The following RB1CC1 variants were observed in gnomAD, a reference collection of about 807,000 sequenced individuals.
RB1CC1 encodes RB1 inducible coiled-coil 1.
RB1CC1 carries 46 observed loss-of-function variants against 177.5 expected under a neutral mutation model. The ratio of observed to expected loss-of-function variants is 0.26; its 90% CI spans 0.20 to 0.33. The LOEUF is 0.33. Ranked by LOEUF, RB1CC1 falls within the 10% of genes least tolerant of loss-of-function variation. The probability of loss-of-function intolerance (pLI) is 1.00; values close to 1 mark genes in which losing one functional copy is unlikely to be tolerated. For missense variants in RB1CC1, 1,703 were observed against 1,816.3 expected, an observed-to-expected ratio of 0.94 and a Z score of 1.13; for synonymous variants, 666 against 613.6, an observed-to-expected ratio of 1.09 and a Z score of -1.26.
intron 1 of RB1CC1, among the ~76,000 whole-genome samples, chr8:52,688,678 T>C (rs992210130): frequency 1.2e-4 from 18 of 152,352 alleles, no homozygotes; most frequent in African/African-American, 4.3e-4. Context: ...TTATTAGTTC[T>C]GCTTTTTGTC....
At chr8:52,687,014 A>G (rs1190855978) in intron 1 of RB1CC1, 47 bp from the exon 2 acceptor site, 2 of 452,684 alleles carry the variant, frequency 4.4e-6, no homozygotes, top group East Asian at 7.0e-5. Context: ...ATTCAGTACG[A>G]AACAACATAT....
At chr8:52,702,052 C>G (rs1856122174) in intron 1 of RB1CC1, among the ~76,000 whole-genome samples, 1 of 152,124 alleles carries the variant, frequency 6.6e-6, no homozygotes, top group African/African-American at 2.4e-5. Context: ...AGGTGATCCA[C>G]CCACCTCGGC....
intron 7 of RB1CC1, among the ~76,000 whole-genome samples, chr8:52,668,853 T>C (rs996715465): frequency 6.6e-6 from 1 of 152,246 alleles, no homozygotes; most frequent in Non-Finnish European, 1.5e-5. Context: ...ACAGTTAGCA[T>C]GGCAGATAAC....
At chr8:52,648,494 A>G (rs1017853505) in intron 15 of RB1CC1, among the ~76,000 whole-genome samples, 15 of 152,152 alleles carry the variant, frequency 9.9e-5, no homozygotes, top group African/African-American at 3.4e-4. Context: ...CTAGCTTTCT[A>G]TGGGGAGCAA....
At chr8:52,686,259 C>T (rs985965763) in intron 2 of RB1CC1, 1 of 152,232 alleles carries the variant, frequency 6.6e-6, no homozygotes, top group African/African-American at 2.4e-5. Flanking sequence ...GGATAACATA[C>T]ACAACAAGCC....
At chr8:52,686,401 A>C (rs2016314) in intron 2 of RB1CC1, among the ~76,000 whole-genome samples, 103,853 of 151,962 alleles carry the variant, frequency 0.68, 35,790 homozygotes, top group East Asian at 0.83. Flanking sequence ...AAAAAATTAG[A>C]CACACTTGGT....
At chr8:52,684,588 G>T (rs181212472) in intron 3 of RB1CC1, among the ~76,000 whole-genome samples, 57 of 152,240 alleles carry the variant, frequency 3.7e-4, no homozygotes, top group African/African-American at 1.3e-3. Flanking sequence ...TCAAGCCAGA[G>T]AATTATTAGA....
At chr8:52,710,322 T>G (rs1292251129) in intron 1 of RB1CC1, among the ~76,000 whole-genome samples, 1 of 152,170 alleles carries the variant, frequency 6.6e-6, no homozygotes, top group African/African-American at 2.4e-5. Flanking sequence ...GACAAGCAAC[T>G]TCGCCAAAAG....
intron 1 of RB1CC1, among the ~76,000 whole-genome samples, chr8:52,707,354 A>G (rs1856654611): frequency 6.6e-6 from 1 of 151,342 alleles, no homozygotes; most frequent in African/African-American, 2.4e-5. Flanking sequence ...TCTATTCCCT[A>G]ATTTATTCAC....
chr8:52,676,165 G>C (rs1015720552), intron 6 of RB1CC1, among the ~76,000 whole-genome samples: 1 of 152,048 alleles, frequency 6.6e-6, no homozygotes, highest in Non-Finnish European at 1.5e-5. Flanking sequence ...AAAGAAATGT[G>C]GGAGACTCAT....
At chr8:52,706,157 G>A in intron 1 of RB1CC1, among the ~76,000 whole-genome samples, 1 of 149,166 alleles carries the variant, frequency 6.7e-6, no homozygotes, top group East Asian at 2.0e-4. Flanking sequence ...AAAAAAAGAT[G>A]ACACCCTATA....
rs186273285 is a variant in RB1CC1 at position 52,682,290 on chromosome 8, C to T, written c.369+1259G>A. Among the ~76,000 whole-genome samples the T allele has an allele frequency of 1.8e-3, 270 of 152,216 alleles. 1 individual carries two copies. The highest frequency in any genetic ancestry group is 2.7e-3 in the Admixed American group (42 of 15,294). ...ACCCCTTTGTTTTGGCCAATTTCAC[C>T]TTTCGCCTCCTGCCATAATTCCGAG... On this transcript the variant is annotated intron_variant, in intron 5 of 23. Coordinates refer to ENST00000025008, the MANE Select transcript of RB1CC1 (RefSeq NM_014781.5).
At chr8:52,693,171 TAGA>T (rs1286565775) in intron 1 of RB1CC1, among the ~76,000 whole-genome samples, 4 of 152,110 alleles carry the variant, frequency 2.6e-5, no homozygotes, top group African/African-American at 9.7e-5. Context: ...TATGAAACCC[TAGA>T]AGAATACCTA....
intron 1 of RB1CC1, among the ~76,000 whole-genome samples, chr8:52,712,591 A>G (rs2150737738): frequency 6.6e-6 from 1 of 152,304 alleles, no homozygotes; most frequent in Admixed American, 6.5e-5. Flanking sequence ...AGGTACATAA[A>G]TAATCATATC....
chr8:52,648,113 A>G (rs1400966712), intron 15 of RB1CC1, among the ~76,000 whole-genome samples: 1 of 152,164 alleles, frequency 6.6e-6, no homozygotes, highest in African/African-American at 2.4e-5. Flanking sequence ...AAACAGATAT[A>G]GACACCCCTG....
intron 15 of RB1CC1, among the ~76,000 whole-genome samples, chr8:52,647,808 G>C (rs1850188155): frequency 6.6e-6 from 1 of 152,174 alleles, no homozygotes; most frequent in Non-Finnish European, 1.5e-5. Flanking sequence ...TTGGTCTAGA[G>C]AATGATATCG....
intron 1 of RB1CC1, among the ~76,000 whole-genome samples, chr8:52,711,119 A>C (rs1857029425): frequency 6.6e-6 from 1 of 152,324 alleles, no homozygotes; most frequent in Non-Finnish European, 1.5e-5. Context: ...GATGAAAAAA[A>C]ATGGGCGAGG....
chr8:52,682,856 T>C (rs1213856018), intron 5 of RB1CC1, among the ~76,000 whole-genome samples: 1 of 152,188 alleles, frequency 6.6e-6, no homozygotes, highest in Non-Finnish European at 1.5e-5. Context: ...TGTTGTATCC[T>C]ATGTGAAAAA....
At chr8:52,639,820 T>C (rs2150403226) in intron 18 of RB1CC1, among the ~76,000 whole-genome samples, 1 of 152,322 alleles carries the variant, frequency 6.6e-6, no homozygotes, top group East Asian at 1.9e-4. Flanking sequence ...TGGGTCATGA[T>C]GACTATATCA....
Sources: gnomAD v4.1 joint callset for allele counts (sites outside exome capture counted in the v4.1 genomes callset) on GRCh38, gnomAD v4.1.1 for gene constraint, MANE v1.5 for transcripts, NCBI Gene and HGNC (gene_info 2026-07-23, HGNC 2026-07-21) for gene names.